The following RGS6 variants were observed in gnomAD, a reference collection of about 807,000 sequenced individuals.
RGS6 encodes regulator of G-protein signaling 6.
In RGS6, 30 loss-of-function variants were observed where a neutral mutation model predicts 78.5. That is an observed-to-expected ratio of 0.38 (90% CI 0.29 to 0.52). RGS6 has a LOEUF of 0.52. Among genes scored for constraint, RGS6 ranks in the 20% least tolerant of loss-of-function variants. The pLI is 0.85. For synonymous variants in RGS6, 206 were observed against 206.0 expected, an observed-to-expected ratio of 1.00 and a Z score of 0.00; for missense variants, 495 against 609.7, an observed-to-expected ratio of 0.81 and a Z score of 1.98.
chr14:72,222,266 G>A (rs1398211129), intron 2 of RGS6, among the ~76,000 whole-genome samples: 1 of 152,210 alleles, frequency 6.6e-6, no homozygotes, highest in African/African-American at 2.4e-5. Context: ...GATGTTCAGG[G>A]CCAGATCCCA....
intron 2 of RGS6, among the ~76,000 whole-genome samples, chr14:72,345,932 A>T (rs1276267299): frequency 6.6e-6 from 1 of 152,238 alleles, no homozygotes; most frequent in African/African-American, 2.4e-5. Flanking sequence ...ATTTTGGATT[A>T]AGAAATATGA....
In RGS6 at chr14:72,562,601, G is replaced by T; in HGVS notation, c.*134G>T. The T allele has an allele frequency of 6.5e-7, 1 of 1,537,384 alleles. No individual in the cohort carries two copies. Among genetic ancestry groups the T allele is most frequent in the Non-Finnish European group, 8.7e-7 (1 of 1,146,978 alleles). On this transcript the variant is annotated 3_prime_UTR_variant, in exon 18 of 18. Coordinates refer to ENST00000553525, the MANE Select transcript of RGS6 (RefSeq NM_001204424.2). ...AGGAGAAAGAGTGAGGGCAATGAAG[G>T]GCGATGGTGGGGAGACTCGGTGGGT...
chr14:72,038,135 A>C (rs2091969753), intron 2 of RGS6, among the ~76,000 whole-genome samples: 1 of 151,664 alleles, frequency 6.6e-6, no homozygotes, highest in Non-Finnish European at 1.5e-5. Flanking sequence ...ATGCCTGGCT[A>C]ATTTTTGTAT....
intron 2 of RGS6, among the ~76,000 whole-genome samples, chr14:72,178,219 C>A (rs1397035831): frequency 6.6e-6 from 1 of 152,246 alleles, no homozygotes; most frequent in Non-Finnish European, 1.5e-5. Flanking sequence ...ATACACTAAG[C>A]TATCTCTCAT....
At chr14:72,493,829 T>A (rs2096609800) in intron 12 of RGS6, among the ~76,000 whole-genome samples, 1 of 151,958 alleles carries the variant, frequency 6.6e-6, no homozygotes, top group Admixed American at 6.5e-5. Context: ...TTTCACCTAG[T>A]GTTCTATGTC....
intron 2 of RGS6, among the ~76,000 whole-genome samples, chr14:72,310,066 C>T (rs565835636): frequency 5.3e-5 from 8 of 152,322 alleles, no homozygotes; most frequent in Admixed American, 2.6e-4. Context: ...CTTTCCTCTC[C>T]GCCAGCTCTT....
chr14:72,008,063 A>G (rs1314025471), intron 2 of RGS6, among the ~76,000 whole-genome samples: 3 of 152,214 alleles, frequency 2.0e-5, no homozygotes, highest in Non-Finnish European at 2.9e-5. Flanking sequence ...GACTAAAGCC[A>G]TAGAGAAATA....
chr14:72,559,684 G>A (rs1207172468), intron 17 of RGS6, among the ~76,000 whole-genome samples: 1 of 152,230 alleles, frequency 6.6e-6, no homozygotes, highest in Non-Finnish European at 1.5e-5. Context: ...CTGGTCAGCT[G>A]CACCATCCTA....
intron 3 of RGS6, among the ~76,000 whole-genome samples, chr14:72,398,203 C>T (rs900108213): frequency 2.0e-5 from 3 of 152,142 alleles, no homozygotes; most frequent in Non-Finnish European, 4.4e-5. Context: ...GGTTGGTAAG[C>T]TATTAATTAT....
intron 6 of RGS6, among the ~76,000 whole-genome samples, 167 bp downstream of exon 6, chr14:72,459,850 A>G (rs1366178989): frequency 6.6e-6 from 1 of 152,196 alleles, no homozygotes; most frequent in African/African-American, 2.4e-5. Context: ...CCTGTTCCAC[A>G]TAACAGAGGA....
At chr14:72,249,046 T>C (rs1311016364) in intron 2 of RGS6, among the ~76,000 whole-genome samples, 1 of 152,224 alleles carries the variant, frequency 6.6e-6, no homozygotes, top group Non-Finnish European at 1.5e-5. Context: ...AATTTTTAGC[T>C]GGGACTCCCT....
intron 2 of RGS6, among the ~76,000 whole-genome samples, chr14:72,095,850 T>G (rs2095394396): frequency 6.6e-6 from 1 of 152,266 alleles, no homozygotes; most frequent in Non-Finnish European, 1.5e-5. Context: ...GCTGGTGCAT[T>G]GTCTACATTA....
At chr14:72,256,958 C>T (rs140103963) in intron 2 of RGS6, among the ~76,000 whole-genome samples, 1 of 152,262 alleles carries the variant, frequency 6.6e-6, no homozygotes, top group East Asian at 1.9e-4. Flanking sequence ...TGTATGTGCA[C>T]CCCAAAAACA....
intron 3 of RGS6, among the ~76,000 whole-genome samples, chr14:72,397,457 G>A (rs867771703): frequency 2.6e-4 from 40 of 151,430 alleles, no homozygotes; most frequent in South Asian, 8.4e-4. Context: ...GGGCTGAGAC[G>A]ATGGGGTTTT....
At chr14:72,088,047 C>T (rs1203915844) in intron 2 of RGS6, among the ~76,000 whole-genome samples, 4 of 152,078 alleles carry the variant, frequency 2.6e-5, no homozygotes, top group Non-Finnish European at 4.4e-5. Flanking sequence ...GAGGAGTTTG[C>T]GCTTTGGGCT....
intron 3 of RGS6, among the ~76,000 whole-genome samples, chr14:72,404,503 A>T (rs1344157545): frequency 1.3e-5 from 2 of 152,046 alleles, no homozygotes; most frequent in Admixed American, 1.3e-4. Flanking sequence ...GCTGCCAACC[A>T]TTATGTGGTG....
intron 2 of RGS6, among the ~76,000 whole-genome samples, chr14:72,295,414 G>A (rs755310384): frequency 6.6e-6 from 1 of 152,132 alleles, no homozygotes; most frequent in Non-Finnish European, 1.5e-5. Context: ...AGTGCCCTCA[G>A]TAACCCCCTC....
chr14:72,508,869 T>C (rs1286594818), intron 13 of RGS6, among the ~76,000 whole-genome samples: 4 of 151,730 alleles, frequency 2.6e-5, no homozygotes, highest in African/African-American at 9.7e-5. Flanking sequence ...TAGGGAAGAG[T>C]TGTAGCATGT....
At chr14:72,259,116 T>C (rs761319064) in intron 2 of RGS6, among the ~76,000 whole-genome samples, 11 of 152,108 alleles carry the variant, frequency 7.2e-5, no homozygotes, top group Admixed American at 7.2e-4. Flanking sequence ...CACAGAGAGG[T>C]TGCAAACTGG....
Sources: gnomAD v4.1 joint callset for allele counts (sites outside exome capture counted in the v4.1 genomes callset) on GRCh38, gnomAD v4.1.1 for gene constraint, MANE v1.5 for transcripts, NCBI Gene and HGNC (gene_info 2026-07-23, HGNC 2026-07-21) for gene names.